SAMD3: variants seen among roughly 807,000 people sequenced by gnomAD.
SAMD3 encodes sterile alpha motif domain-containing protein 3.
In SAMD3, 63 loss-of-function variants were observed where a neutral mutation model predicts 58.5. The ratio of observed to expected loss-of-function variants is 1.08; its 90% CI spans 0.88 to 1.33. The LOEUF is 1.33. Among genes scored for constraint, SAMD3 ranks in the 40% most tolerant of loss-of-function variants. The pLI, the probability that SAMD3 is intolerant of heterozygous loss-of-function variation, is 0.00. For synonymous variants in SAMD3, 220 were observed against 210.3 expected (o/e 1.05, Z -0.40); for missense variants, 604 against 608.4 (o/e 0.99, Z 0.08).
intron 2 of SAMD3, among the ~76,000 whole-genome samples, chr6:130,272,877 A>G (rs530520001): frequency 3.0e-4 from 46 of 152,294 alleles, no homozygotes; most frequent in African/African-American, 1.1e-3. Context: ...CTACTCATTT[A>G]TCATAGATTG....
intron 5 of SAMD3, among the ~76,000 whole-genome samples, chr6:130,207,551 G>A (rs1795188572): frequency 6.6e-6 from 1 of 152,156 alleles, no homozygotes; most frequent in African/African-American, 2.4e-5. Context: ...GCTTCGTGTT[G>A]GAAGGGGTAG....
intron 8 of SAMD3, among the ~76,000 whole-genome samples, chr6:130,163,381 T>A (rs1790434977): frequency 6.6e-6 from 1 of 152,184 alleles, no homozygotes; most frequent in Admixed American, 6.5e-5. Flanking sequence ...ATCCCAGTCA[T>A]CCTCATTTCC....
intron 3 of SAMD3, among the ~76,000 whole-genome samples, 183 bp from the exon 4 acceptor site, chr6:130,214,709 G>T (rs1795882666): frequency 6.6e-6 from 1 of 152,002 alleles, no homozygotes; most frequent in South Asian, 2.1e-4. Context: ...ATCAATGCCT[G>T]CTCCTAAGAA....
intron 8 of SAMD3, among the ~76,000 whole-genome samples, chr6:130,170,650 G>C (rs1038945210): frequency 2.6e-5 from 4 of 152,182 alleles, no homozygotes; most frequent in African/African-American, 9.7e-5. Context: ...TCTCCTTGAA[G>C]AGGTCCTTCA....
At chr6:130,206,039 T>G (rs1795054040) in intron 5 of SAMD3, among the ~76,000 whole-genome samples, 1 of 152,102 alleles carries the variant, frequency 6.6e-6, no homozygotes, top group Non-Finnish European at 1.5e-5. Context: ...GATAGGACAT[T>G]GGAGGGGAGA....
rs541625293 is a variant in SAMD3 at position 130,365,188 on chromosome 6, G to C, written c.-372C>G. Reference sequence around the variant, plus strand: ...TTAGAGACGACATATTTTACTCTGTGAACAGGCCAGTCTCCACTCACTGGA... The same window carrying C: ...TTAGAGACGACATATTTTACTCTGTCAACAGGCCAGTCTCCACTCACTGGA... On this transcript the variant is annotated 5_prime_UTR_variant, in exon 1 of 14. Transcript: ENST00000368134. The C allele has an allele frequency of 8.3e-5, 82 of 985,498 alleles. 2 individuals are homozygous for C. In the South Asian group the frequency reaches 1.0e-3, roughly 12 times the overall value. The allele number at this position is 985,498 out of a possible 1,614,324, so 61.0% of individuals were successfully genotyped here. A position where few individuals can be genotyped will look rare whatever the true frequency, so the allele number is the denominator to read the frequency against.
At chr6:130,304,495 T>C (rs1162322352) in intron 2 of SAMD3, among the ~76,000 whole-genome samples, 2 of 152,206 alleles carry the variant, frequency 1.3e-5, no homozygotes, top group African/African-American at 4.8e-5. Flanking sequence ...AGATTAGTTG[T>C]TGGGCTTCTC....
intron 1 of SAMD3, among the ~76,000 whole-genome samples, chr6:130,330,198 G>A (rs774330705): frequency 2.0e-5 from 3 of 152,140 alleles, no homozygotes; most frequent in Admixed American, 6.6e-5. Context: ...AGGTCGGCAG[G>A]CCCAGAAGAT....
chr6:130,343,944 G>A (rs551611139), intron 1 of SAMD3, among the ~76,000 whole-genome samples: 11 of 148,910 alleles, frequency 7.4e-5, no homozygotes, highest in Non-Finnish European at 1.5e-4. Flanking sequence ...CAGCCTGGGC[G>A]ACAAAGTGAG....
In SAMD3 at chr6:130,328,381, G is replaced by C. The variant is rs137915729; in HGVS notation, c.-303-15288C>G. Among the ~76,000 whole-genome samples the C allele has an allele frequency of 3.1e-4, 47 of 152,254 alleles. No homozygotes were observed. In the East Asian group the frequency reaches 8.9e-3, roughly 29 times the overall value. On this transcript the variant is annotated intron_variant, in intron 1 of 13. Coordinates refer to the SAMD3 transcript ENST00000368134. ...ACCTAGAGGCTCTGGCTAGGGTCCT[G>C]TTTCAATTTGAAATTCACTTTTTCC...
intron 2 of SAMD3, among the ~76,000 whole-genome samples, chr6:130,300,814 A>G (rs1160859901): frequency 6.6e-6 from 1 of 152,154 alleles, no homozygotes; most frequent in African/African-American, 2.4e-5. Context: ...AAATATCAGT[A>G]GCATTTCTTT....
chr6:130,302,211 T>A (rs964016018), intron 2 of SAMD3, among the ~76,000 whole-genome samples: 2 of 152,020 alleles, frequency 1.3e-5, no homozygotes, highest in Non-Finnish European at 2.9e-5. Context: ...AACAAAGGAC[T>A]AATATCCAGA....
At chr6:130,339,678 A>G (rs73607686) in intron 1 of SAMD3, among the ~76,000 whole-genome samples, 2,023 of 152,298 alleles carry the variant, frequency 0.013, 40 homozygotes, top group African/African-American at 0.046. Flanking sequence ...CAGTATGAGA[A>G]TGGACGAAAT....
intron 8 of SAMD3, among the ~76,000 whole-genome samples, chr6:130,173,503 T>C (rs751542900): frequency 3.9e-5 from 6 of 152,214 alleles, no homozygotes; most frequent in Non-Finnish European, 7.3e-5. Flanking sequence ...GTATTACCAG[T>C]TGAGGCTGCA....
intron 7 of SAMD3, among the ~76,000 whole-genome samples, chr6:130,180,320 G>A (rs1294851987): frequency 7.5e-6 from 1 of 134,108 alleles, no homozygotes; most frequent in African/African-American, 2.8e-5. Flanking sequence ...TTTTTTGTAG[G>A]GATGGGGTTT....
chr6:130,189,117 A>G (rs1167112522), intron 5 of SAMD3, among the ~76,000 whole-genome samples: 5 of 151,290 alleles, frequency 3.3e-5, no homozygotes, highest in Admixed American at 6.6e-5. Context: ...AAAAAAAAAA[A>G]ACCAAAAAAC....
At chr6:130,261,986 G>C (rs990295939) in intron 2 of SAMD3, among the ~76,000 whole-genome samples, 1 of 151,908 alleles carries the variant, frequency 6.6e-6, no homozygotes, top group Non-Finnish European at 1.5e-5. Flanking sequence ...GGCAGAGAAA[G>C]AGAGGAAGAG....
At position 130,266,080 on chromosome 6, in the gene SAMD3, C is replaced by T. The variant is rs921529496; in HGVS notation, c.-187-43267G>A. Among the ~76,000 whole-genome samples, 5 of 152,170 alleles carry T rather than the reference C, an allele frequency of 3.3e-5. No individual in the cohort carries two copies. The East Asian group carries it at 7.7e-4, about 24-fold the overall frequency. On this transcript the variant is annotated intron_variant, in intron 2 of 13. Transcript: ENST00000368134. ...AGTAATAACCAACCCCCTTAATCCT[C>T]GCTAGAAAAAAGGGGAACGTGTAAC...
chr6:130,322,049 G>T (rs1263654163), intron 1 of SAMD3, among the ~76,000 whole-genome samples: 1 of 152,140 alleles, frequency 6.6e-6, no homozygotes, highest in African/African-American at 2.4e-5. Context: ...TGGTCAAGAG[G>T]AGCTGTGAGG....
Sources: gnomAD v4.1 joint callset for allele counts (sites outside exome capture counted in the v4.1 genomes callset) on GRCh38, gnomAD v4.1.1 for gene constraint, MANE v1.5 for transcripts, NCBI Gene and HGNC (gene_info 2026-07-23, HGNC 2026-07-21) for gene names.